COA1: variants seen among roughly 807,000 people sequenced by gnomAD.
The protein encoded by COA1 is cytochrome c oxidase assembly factor 1 homolog.
A neutral mutation model predicts 16.0 loss-of-function variants in COA1; 13 were observed. The ratio of observed to expected loss-of-function variants is 0.81; its 90% CI spans 0.53 to 1.29. The LOEUF (loss-of-function observed/expected upper bound fraction) is 1.29. Ranked by LOEUF, COA1 falls within the 50% of genes most tolerant of loss-of-function variation. The pLI is 0.00. For missense variants in COA1, 179 were observed against 177.0 expected (o/e 1.01, Z -0.06); for synonymous variants, 65 against 65.7 (o/e 0.99, Z 0.05).
intron 6 of COA1, among the ~76,000 whole-genome samples, chr7:43,612,772 T>C (rs185825163): frequency 6.6e-6 from 1 of 151,600 alleles, no homozygotes; most frequent in Non-Finnish European, 1.5e-5. Context: ...CTGAAGACTG[T>C]CAGCCAAATA....
At chr7:43,627,591 G>C (rs2084701811) in intron 6 of COA1, among the ~76,000 whole-genome samples, 1 of 152,124 alleles carries the variant, frequency 6.6e-6, no homozygotes, top group Admixed American at 6.5e-5. Context: ...ATTTGAATTA[G>C]ACTGATAAAA....
chr7:43,688,196 C>T (rs948951277), intron 1 of COA1, among the ~76,000 whole-genome samples: 5 of 152,090 alleles, frequency 3.3e-5, no homozygotes, highest in African/African-American at 4.8e-5. Context: ...CAAACTAATA[C>T]GGACAGGAGT....
intron 1 of COA1, among the ~76,000 whole-genome samples, chr7:43,722,421 C>A (rs1182756079): frequency 6.6e-6 from 1 of 150,756 alleles, no homozygotes; most frequent in East Asian, 2.0e-4. Flanking sequence ...TACGACAAAA[C>A]GAGAGTCTCG....
intron 1 of COA1, among the ~76,000 whole-genome samples, chr7:43,654,117 G>A (rs1335125743): frequency 6.6e-6 from 1 of 152,174 alleles, no homozygotes; most frequent in African/African-American, 2.4e-5. Flanking sequence ...TGGCCAGAAA[G>A]CCTGTGGAGA....
At chr7:43,619,953 G>C (rs2083709250) in intron 6 of COA1, among the ~76,000 whole-genome samples, 1 of 152,204 alleles carries the variant, frequency 6.6e-6, no homozygotes, top group Non-Finnish European at 1.5e-5. Flanking sequence ...AGAATTTGAA[G>C]GGATTACTTC....
chr7:43,715,661 T>G (rs954219464), intron 1 of COA1, among the ~76,000 whole-genome samples: 3 of 152,214 alleles, frequency 2.0e-5, no homozygotes, highest in Non-Finnish European at 4.4e-5. Context: ...TCTCTTGTAA[T>G]TCCTCTCCTA....
intron 1 of COA1, among the ~76,000 whole-genome samples, chr7:43,720,393 G>A (rs2095482405): frequency 6.6e-6 from 1 of 152,052 alleles, no homozygotes; most frequent in Non-Finnish European, 1.5e-5. Flanking sequence ...ATCTAAGTAT[G>A]ATGGACTAGA....
intron 1 of COA1, among the ~76,000 whole-genome samples, chr7:43,725,792 G>T (rs2095605160): frequency 6.6e-6 from 1 of 151,892 alleles, no homozygotes; most frequent in Admixed American, 6.6e-5. Context: ...CCAGGAGGCG[G>T]AGGTTGCAGT....
At chr7:43,728,389 A>C (rs1460986358) in intron 1 of COA1, among the ~76,000 whole-genome samples, 3 of 152,122 alleles carry the variant, frequency 2.0e-5, no homozygotes, top group Non-Finnish European at 4.4e-5. Flanking sequence ...CCGTTTTTAA[A>C]ACAGTGCCTA....
chr7:43,639,825 C>T, intron 5 of COA1, 144 bp from the exon 6 acceptor site: 1 of 599,978 alleles, frequency 1.7e-6, no homozygotes, highest in Non-Finnish European at 2.9e-6. Flanking sequence ...GCTGTGTCAA[C>T]ACAATTTTTA....
In COA1 at chr7:43,647,634, A is replaced by T. The variant is rs143216275; in HGVS notation, c.16T>A (p.Tyr6Asn). 1.6e-4 allele frequency: 264 copies of T among 1,608,690 alleles called. No individual in the cohort carries two copies. Among genetic ancestry groups the T allele is most frequent in the Non-Finnish European group, 2.2e-4 (255 of 1,175,728 alleles). Residue 6 changes from tyrosine to asparagine, a missense_variant and splice_region_variant, in exon 3 of 6, where the codon TAT becomes AAT. Physicochemically the swap from Tyr to Asn is moderately radical, Grantham distance 143. Coordinates refer to ENST00000223336, the MANE Select transcript of COA1 (RefSeq NM_018224.4). MMWQK[Y>N]AGSRRSMPLG... is the part of the protein sequence containing the mutation. ...GGCATTGACCGCCTGCTTCCTGCATACTTAAAAACAAAAGATACAAATTTA... is the reference window on the plus strand; with the variant it reads ...GGCATTGACCGCCTGCTTCCTGCATTCTTAAAAACAAAAGATACAAATTTA...
chr7:43,719,240 T>C (rs1436663109), intron 1 of COA1, among the ~76,000 whole-genome samples: 1 of 152,132 alleles, frequency 6.6e-6, no homozygotes, highest in East Asian at 1.9e-4. Flanking sequence ...AGTGCTGGGA[T>C]TATAGGCATG....
At chr7:43,691,989 A>G (rs901350879) in intron 1 of COA1, among the ~76,000 whole-genome samples, 1 of 152,196 alleles carries the variant, frequency 6.6e-6, no homozygotes, top group African/African-American at 2.4e-5. Flanking sequence ...TACCAACATC[A>G]GTCTCAGCAG....
At chr7:43,698,059 T>A (rs1291085153) in intron 1 of COA1, among the ~76,000 whole-genome samples, 1 of 152,204 alleles carries the variant, frequency 6.6e-6, no homozygotes, top group Non-Finnish European at 1.5e-5. Flanking sequence ...CTATGTTAGC[T>A]CAAATCAGTA....
chr7:43,678,113 G>A (rs1404720524), intron 1 of COA1, among the ~76,000 whole-genome samples: 4 of 152,072 alleles, frequency 2.6e-5, no homozygotes, highest in African/African-American at 9.7e-5. Context: ...CAGTGAGTTG[G>A]GTTTGAGAGA....
At position 43,691,358 on chromosome 7, in the gene COA1, AG is replaced by A. The variant is rs1563383509; in HGVS notation, c.-39+38070del. On this transcript the variant is annotated intron_variant, in intron 1 of 5. Transcript: ENST00000223336. ...AAGAGAGAGAGGGAGGGAGGGAGGG[AG>A]GGAGGGAGGGAGGGAGGGAGGAAGG... Among the ~76,000 whole-genome samples, 41 of 64,220 alleles carry A rather than the reference AG, an allele frequency of 6.4e-4. 2 individuals are homozygous for A. Among genetic ancestry groups the A allele is most frequent in the Middle Eastern group, 5.1e-3 (1 of 198 alleles). 42.1% of individuals were successfully genotyped at this position (64,220 alleles called of 152,430 possible). A position where few individuals can be genotyped will look rare whatever the true frequency, so the allele number is the denominator to read the frequency against.
At chr7:43,693,226 C>T (rs929341162) in intron 1 of COA1, among the ~76,000 whole-genome samples, 2 of 152,134 alleles carry the variant, frequency 1.3e-5, no homozygotes, top group African/African-American at 4.8e-5. Context: ...TCTCATCTAC[C>T]TCCCTAAGAT....
At chr7:43,723,178 T>C (rs2095545118) in intron 1 of COA1, among the ~76,000 whole-genome samples, 1 of 152,346 alleles carries the variant, frequency 6.6e-6, no homozygotes, top group South Asian at 2.1e-4. Flanking sequence ...TAAGCCATCC[T>C]GTTCCCAGGA....
intron 1 of COA1, among the ~76,000 whole-genome samples, chr7:43,664,384 T>A (rs923782117): frequency 4.6e-5 from 7 of 152,186 alleles, no homozygotes; most frequent in Non-Finnish European, 1.0e-4. Context: ...CCATATATTT[T>A]TAAATCACAT....
Sources: allele counts gnomAD v4.1 joint callset (sites outside exome capture counted in the v4.1 genomes callset), GRCh38; gene constraint gnomAD v4.1.1; transcripts MANE v1.5; gene names NCBI Gene and HGNC (gene_info 2026-07-23, HGNC 2026-07-21).